POLA2: variants seen among roughly 807,000 people sequenced by gnomAD.
The protein encoded by POLA2 is DNA polymerase alpha subunit B.
Under a neutral mutation model 82.8 loss-of-function variants are expected in POLA2, and 47 were observed. The observed-to-expected ratio is 0.57, with a 90% CI of 0.45 to 0.72. The LOEUF (loss-of-function observed/expected upper bound fraction) is 0.72, where lower values mean the gene tolerates loss of function less well. Ranked by LOEUF, POLA2 falls within the 30% of genes least tolerant of loss-of-function variation. The probability of loss-of-function intolerance (pLI) is 0.00; values close to 1 mark genes in which losing one functional copy is unlikely to be tolerated. For synonymous variants in POLA2, 287 were observed against 286.8 expected (o/e 1.00, Z -0.01); for missense variants, 634 against 728.1 (o/e 0.87, Z 1.49).
chr11:65,288,922 T>A (rs1298309008), intron 11 of POLA2, 128 bp from the exon 12 acceptor site: 1 of 833,706 alleles, frequency 1.2e-6, no homozygotes, highest in Non-Finnish European at 1.9e-6. Context: ...GTCCCCAGGC[T>A]CTACAGGCAG....
rs1034791852 is a variant in POLA2 at position 65,262,115 on chromosome 11, G to A, written c.-178G>A. ...TTAAAAAAAGTATTTCTCTGTGACC[G>A]ACGGCCGGGGCCTTCTGACGGTCTG... is the stretch of plus-strand genomic sequence containing the variant. On this transcript the variant is annotated 5_prime_UTR_variant, in exon 1 of 18. Transcript: ENST00000265465. 3.4e-6 allele frequency: 2 copies of A among 585,392 alleles called. No individual in the cohort carries two copies. Among genetic ancestry groups the A allele is most frequent in the Non-Finnish European group, 6.1e-6 (2 of 328,542 alleles). The allele number at this position is 585,392 out of a possible 1,614,324, so 36.3% of individuals were successfully genotyped here.
intron 1 of POLA2, among the ~76,000 whole-genome samples, chr11:65,265,560 A>T (rs79700235): frequency 0.043 from 6,483 of 152,066 alleles, 204 homozygotes; most frequent in Middle Eastern, 0.075. Context: ...AGCTCACTGC[A>T]GCCTCAACCT....
intron 4 of POLA2, 86 bp downstream of exon 4, chr11:65,268,815 C>T: frequency 1.2e-6 from 1 of 806,072 alleles, no homozygotes; most frequent in Non-Finnish European, 2.0e-6. Context: ...GGGAAAAAAT[C>T]AACCACTCTC....
chr11:65,268,824 T>G, intron 4 of POLA2, 95 bp downstream of exon 4: 1 of 724,536 alleles, frequency 1.4e-6, no homozygotes. Flanking sequence ...TCAACCACTC[T>G]CATGCATTTC....
At position 65,267,574 on chromosome 11, in the gene POLA2, C is replaced by A. The variant is rs987639566; in HGVS notation, c.296+6C>A. ...ATTGTTTCCATTCAAGAGCTGTATC[C>A]TTTTCTGCTGAAGGTCTTTGCACCA... On this transcript the variant is annotated splice_donor_region_variant and intron_variant, in intron 3 of 17. Transcript: ENST00000265465. The A allele has an allele frequency of 1.9e-6, 3 of 1,570,068 alleles. No homozygotes were observed. Among genetic ancestry groups the A allele is most frequent in the Non-Finnish European group, 2.6e-6 (3 of 1,144,646 alleles).
intron 4 of POLA2, among the ~76,000 whole-genome samples, chr11:65,271,396 G>T (rs549964375): frequency 6.6e-6 from 1 of 152,118 alleles, no homozygotes; most frequent in African/African-American, 2.4e-5. Context: ...ATCATATTCC[G>T]GAGTCTGACT....
intron 4 of POLA2, among the ~76,000 whole-genome samples, chr11:65,270,790 C>T (rs1206398960): frequency 2.6e-5 from 4 of 152,200 alleles, no homozygotes; most frequent in African/African-American, 4.8e-5. Context: ...CTGCCATATC[C>T]ACCTCTAACC....
At chr11:65,289,727 C>A in intron 12 of POLA2, 72 bp from the exon 13 acceptor site, 1 of 986,670 alleles carries the variant, frequency 1.0e-6, no homozygotes. Flanking sequence ...TATGGGTCAC[C>A]TAACAATGTT....
intron 7 of POLA2, chr11:65,280,511 T>G (rs2137541185): frequency 6.5e-6 from 1 of 153,144 alleles, no homozygotes; most frequent in East Asian, 1.9e-4. Context: ...TTTCCTCATC[T>G]GTAAAATGGA....
chr11:65,284,966 A>G (rs1375940981), intron 10 of POLA2, among the ~76,000 whole-genome samples: 5 of 152,154 alleles, frequency 3.3e-5, no homozygotes, highest in Admixed American at 3.3e-4. Flanking sequence ...CAGGAGTGAA[A>G]TTTAGGACCT....
chr11:65,294,477 C>A (rs1364331393), intron 14 of POLA2, 69 bp from the exon 15 acceptor site: 1 of 1,388,702 alleles, frequency 7.2e-7, no homozygotes, highest in South Asian at 1.2e-5. Flanking sequence ...TCAGACAACC[C>A]CCACTTTCAT....
At chr11:65,281,786 TG>T in intron 9 of POLA2, 54 bp downstream of exon 9, 1 of 1,374,856 alleles carries the variant, frequency 7.3e-7, no homozygotes. Flanking sequence ...AAAGTATGTC[TG>T]GAAGCTGTCT....
intron 4 of POLA2, among the ~76,000 whole-genome samples, chr11:65,275,187 C>A (rs1052549938): frequency 2.0e-5 from 3 of 152,062 alleles, no homozygotes; most frequent in Non-Finnish European, 4.4e-5. Flanking sequence ...AACTTGCAGC[C>A]AGGAGGAGCC....
chr11:65,305,052 C>T (rs891146642), intron 8 of POLA2, among the ~76,000 whole-genome samples: 2 of 151,136 alleles, frequency 1.3e-5, no homozygotes, highest in African/African-American at 2.4e-5. Flanking sequence ...CTCCATGGCC[C>T]TCCATGGGGG....
chr11:65,305,848 T>C (rs533658200), downstream of POLA2, among the ~76,000 whole-genome samples: 26 of 152,292 alleles, frequency 1.7e-4, no homozygotes, highest in Admixed American at 1.5e-3. Context: ...GGAAGCAACC[T>C]GAAGGTCCCT....
rs772303022 is a variant in POLA2 at position 65,294,186 on chromosome 11, G to A, written c.1278G>A (p.Leu426=). 2 of 1,613,956 alleles carry A rather than the reference G, an allele frequency of 1.2e-6. No individual in the cohort carries two copies. Among genetic ancestry groups the A allele is most frequent in the Admixed American group, 3.3e-5 (2 of 59,982 alleles). The change falls in exon 14 of 18, where the codon TTG becomes TTA. Residue 426 remains leucine (L), a synonymous_variant. Coordinates refer to ENST00000265465, the MANE Select transcript of POLA2 (RefSeq NM_002689.4). The part of the protein sequence containing the change: ...SGSHLVFVPS[L]RDVHHEPVYP... Reference sequence around the variant, plus strand: ...CCCACCTTGTCTTTGTCCCGTCATTGAGAGATGTGCACCATGAGCCTGTGT... The same window carrying A: ...CCCACCTTGTCTTTGTCCCGTCATTAAGAGATGTGCACCATGAGCCTGTGT...
At chr11:65,265,577 C>T (rs577810225) in intron 1 of POLA2, among the ~76,000 whole-genome samples, 3 of 152,140 alleles carry the variant, frequency 2.0e-5, no homozygotes, top group South Asian at 4.1e-4. Context: ...ACCTCCTTGG[C>T]TCAAGCAATC....
intron 4 of POLA2, among the ~76,000 whole-genome samples, chr11:65,268,958 A>C (rs1189754846): frequency 6.6e-6 from 1 of 152,198 alleles, no homozygotes; most frequent in Non-Finnish European, 1.5e-5. Flanking sequence ...CATTTCTATA[A>C]ACATAATTTC....
chr11:65,296,012 T>A (rs750312492), intron 17 of POLA2, 22 bp downstream of exon 17: 9 of 1,613,858 alleles, frequency 5.6e-6, no homozygotes, highest in Non-Finnish European at 7.6e-6. Flanking sequence ...CTCTGCTTTT[T>A]CCCAGAAACA....
Sources: allele counts gnomAD v4.1 joint callset (sites outside exome capture counted in the v4.1 genomes callset), GRCh38; gene constraint gnomAD v4.1.1; transcripts MANE v1.5; gene names NCBI Gene and HGNC (gene_info 2026-07-23, HGNC 2026-07-21).